SLC16A7: variants seen among roughly 807,000 people sequenced by gnomAD.
SLC16A7 encodes monocarboxylate transporter 2.
A neutral mutation model predicts 34.9 loss-of-function variants in SLC16A7; 33 were observed. The observed-to-expected ratio is 0.94, with a 90% CI of 0.72 to 1.26. The LOEUF is 1.26. SLC16A7 is among the 50% of genes most tolerant of loss of function. SLC16A7 has a pLI of 0.00. For synonymous variants in SLC16A7, 201 were observed against 206.6 expected (o/e 0.97, Z 0.23); for missense variants, 573 against 578.1 (o/e 0.99, Z 0.09).
intron 1 of SLC16A7, among the ~76,000 whole-genome samples, chr12:59,634,897 A>G (rs1166961608): frequency 6.6e-6 from 1 of 152,052 alleles, no homozygotes; most frequent in Non-Finnish European, 1.5e-5. Flanking sequence ...TATTGAAAAA[A>G]GGATGGAAGG....
chr12:59,675,013 C>T (rs539807501), intron 2 of SLC16A7, among the ~76,000 whole-genome samples: 2 of 152,298 alleles, frequency 1.3e-5, no homozygotes, highest in African/African-American at 4.8e-5. Flanking sequence ...TTACCCATAA[C>T]TAAGCGAGTC....
intron 2 of SLC16A7, among the ~76,000 whole-genome samples, chr12:59,675,564 C>G (rs1433989074): frequency 2.0e-5 from 3 of 152,106 alleles, no homozygotes; most frequent in Non-Finnish European, 4.4e-5. Context: ...CTAGCATACA[C>G]AGCAGATCAC....
intron 2 of SLC16A7, among the ~76,000 whole-genome samples, chr12:59,662,983 CT>C (rs1375541372): frequency 6.6e-6 from 1 of 151,958 alleles, no homozygotes; most frequent in African/African-American, 2.4e-5. Context: ...ACTCTTTAAA[CT>C]TTTCGAACAT....
At chr12:59,751,478 C>G (rs114307184) in intron 3 of SLC16A7, among the ~76,000 whole-genome samples, 3 of 152,216 alleles carry the variant, frequency 2.0e-5, no homozygotes, top group Admixed American at 6.5e-5. Context: ...TAGGGTCTTA[C>G]GACCATGGAG....
At chr12:59,747,959 T>G (rs1248478674) in intron 3 of SLC16A7, among the ~76,000 whole-genome samples, 3 of 152,082 alleles carry the variant, frequency 2.0e-5, no homozygotes, top group African/African-American at 7.2e-5. Flanking sequence ...TTCCAATACT[T>G]TGGGAGGCCG....
rs146139118 is a variant in SLC16A7 at position 59,614,301 on chromosome 12, T to A, written c.-130+18065T>A. ...ATCCACCTGCCTCAGCCACCCAAAGTGCTGGGATTACAGGCATGAGCCACT... is the reference window on the plus strand; with the variant it reads ...ATCCACCTGCCTCAGCCACCCAAAGAGCTGGGATTACAGGCATGAGCCACT... On this transcript the variant is annotated intron_variant, in intron 1 of 5. Coordinates refer to ENST00000547379, the MANE Select transcript of SLC16A7 (RefSeq NM_001270623.2). Among the ~76,000 whole-genome samples, 1,283 of 152,176 alleles carry A rather than the reference T, an allele frequency of 8.4e-3. 10 individuals carry two copies. The highest frequency in any genetic ancestry group is 0.01 in the Non-Finnish European group (711 of 67,986).
At chr12:59,639,072 G>A (rs1228838280) in intron 1 of SLC16A7, among the ~76,000 whole-genome samples, 1 of 152,022 alleles carries the variant, frequency 6.6e-6, no homozygotes, top group African/African-American at 2.4e-5. Flanking sequence ...CCTGTTTCAG[G>A]AGTTGAGAGC....
intron 4 of SLC16A7, among the ~76,000 whole-genome samples, chr12:59,771,683 T>C (rs1284983687): frequency 6.6e-6 from 1 of 152,184 alleles, no homozygotes; most frequent in African/African-American, 2.4e-5. Flanking sequence ...ACACAGACTT[T>C]CTGATGTAAA....
intron 3 of SLC16A7, among the ~76,000 whole-genome samples, chr12:59,706,135 C>G (rs1873538910): frequency 6.6e-6 from 1 of 152,094 alleles, no homozygotes; most frequent in Non-Finnish European, 1.5e-5. Flanking sequence ...GCATTTAACA[C>G]CTGTGGTCTC....
In SLC16A7 at chr12:59,775,489, T is replaced by G; in HGVS notation, c.1180+14T>G. 6.3e-7 allele frequency: 1 copy of G among 1,587,504 alleles called. No homozygotes were observed. The highest frequency in any genetic ancestry group is 1.7e-5 in the Admixed American group (1 of 59,188). The stretch of plus-strand genomic sequence containing the variant: ...CTCCTCTTGCAGGTAAGAACGTTTT[T>G]CATCAAGGAAAATGTAAAGCATAAA... On this transcript the variant is annotated intron_variant, in intron 5 of 5. Coordinates refer to ENST00000547379, the MANE Select transcript of SLC16A7 (RefSeq NM_001270623.2).
At chr12:59,627,406 T>C (rs1879977091) in intron 1 of SLC16A7, among the ~76,000 whole-genome samples, 1 of 151,926 alleles carries the variant, frequency 6.6e-6, no homozygotes, top group Non-Finnish European at 1.5e-5. Context: ...TATCATACGG[T>C]TATCTATATA....
chr12:59,618,709 G>T (rs1879568232), intron 1 of SLC16A7, among the ~76,000 whole-genome samples: 1 of 151,812 alleles, frequency 6.6e-6, no homozygotes, highest in Non-Finnish European at 1.5e-5. Context: ...AGTTGTTCTG[G>T]TAATAAAGTA....
Position 59,672,131 on chromosome 12 carries a change from CGT to C in SLC16A7, c.-31+16882_-31+16883del, listed in dbSNP as rs540547818. ...ATATATGTGTATATATGCATATATA[CGT>C]ATATATATGTGTATATATGCATATA... On this transcript the variant is annotated intron_variant, in intron 2 of 5. Coordinates refer to ENST00000547379, the MANE Select transcript of SLC16A7 (RefSeq NM_001270623.2). Among the ~76,000 whole-genome samples the C allele has an allele frequency of 7.3e-4, 42 of 57,770 alleles. 1 individual carries two copies. Among genetic ancestry groups the C allele is most frequent in the African/African-American group, 2.9e-3 (36 of 12,218 alleles). The allele number at this position is 57,770 out of a possible 152,430, so 37.9% of individuals were successfully genotyped here. A position where few individuals can be genotyped will look rare whatever the true frequency, so the allele number is the denominator to read the frequency against.
intron 3 of SLC16A7, among the ~76,000 whole-genome samples, chr12:59,729,040 A>G (rs1369617565): frequency 1.3e-5 from 2 of 152,118 alleles, no homozygotes; most frequent in Non-Finnish European, 2.9e-5. Context: ...ATACCTTTTC[A>G]CTTCAGGTTA....
chr12:59,645,012 C>A (rs1880846882), intron 1 of SLC16A7, among the ~76,000 whole-genome samples: 1 of 152,056 alleles, frequency 6.6e-6, no homozygotes, highest in Non-Finnish European at 1.5e-5. Flanking sequence ...ATGAGCCTTC[C>A]CTATTATTGT....
At chr12:59,750,715 T>C (rs1391843312) in intron 3 of SLC16A7, among the ~76,000 whole-genome samples, 3 of 152,220 alleles carry the variant, frequency 2.0e-5, no homozygotes, top group Admixed American at 1.3e-4. Context: ...ACTGGGTATA[T>C]ACCCAAAGGA....
intron 1 of SLC16A7, among the ~76,000 whole-genome samples, chr12:59,651,618 T>G (rs1050597502): frequency 6.6e-6 from 1 of 152,152 alleles, no homozygotes; most frequent in African/African-American, 2.4e-5. Flanking sequence ...CTTTTGGACA[T>G]CTAAGAGTAT....
chr12:59,729,528 C>G lies in SLC16A7; in HGVS notation c.217+24510C>G, dbSNP rs947937528. Among the ~76,000 whole-genome samples, 3 of 152,080 alleles carry G rather than the reference C, an allele frequency of 2.0e-5. No individual in the cohort carries two copies. The East Asian group carries it at 5.8e-4, about 29-fold the overall frequency. On this transcript the variant is annotated intron_variant, in intron 3 of 5. Coordinates refer to ENST00000547379, the MANE Select transcript of SLC16A7 (RefSeq NM_001270623.2). ...TGGTTATAATTTTATAGCTTTTAAT[C>G]CTTTCATTGCACCTGTGTAAACTAA...
intron 5 of SLC16A7, among the ~76,000 whole-genome samples, chr12:59,776,043 A>G (rs1377569312): frequency 6.6e-6 from 1 of 152,180 alleles, no homozygotes; most frequent in Non-Finnish European, 1.5e-5. Context: ...AGGGCCACTC[A>G]TGTTCCATGT....
Sources: gnomAD v4.1 joint callset for allele counts (sites outside exome capture counted in the v4.1 genomes callset) on GRCh38, gnomAD v4.1.1 for gene constraint, MANE v1.5 for transcripts, NCBI Gene and HGNC (gene_info 2026-07-23, HGNC 2026-07-21) for gene names.